EVC2: variants seen among roughly 807,000 people sequenced by gnomAD.
The protein encoded by EVC2 is limbin.
EVC2 carries 148 observed loss-of-function variants against 149.3 expected under a neutral mutation model. The ratio of observed to expected loss-of-function variants is 0.99; its 90% CI spans 0.87 to 1.14. EVC2 has a LOEUF of 1.14. Among genes scored for constraint, EVC2 ranks in the 50% most tolerant of loss-of-function variants. The pLI is 0.00. For missense variants in EVC2, 1,854 were observed against 1,627.3 expected, an observed-to-expected ratio of 1.14 and a Z score of -2.40; for synonymous variants, 776 against 649.9, an observed-to-expected ratio of 1.19 and a Z score of -2.95.
At chr4:5,607,675 A>C (rs908465519) in intron 16 of EVC2, among the ~76,000 whole-genome samples, 2 of 152,156 alleles carry the variant, frequency 1.3e-5, no homozygotes, top group African/African-American at 4.8e-5. Context: ...AGTCTTTCTG[A>C]ATTAGTTGCA....
At chr4:5,578,234 C>T (rs1386193963) in intron 17 of EVC2, among the ~76,000 whole-genome samples, 1 of 108,356 alleles carries the variant, frequency 9.2e-6, no homozygotes, top group South Asian at 3.2e-4. Flanking sequence ...ACATGTTCTC[C>T]TTTCTCCCAG....
downstream of EVC2, among the ~76,000 whole-genome samples, chr4:5,560,452 AAGG>A (rs573876533): frequency 1.8e-3 from 275 of 152,236 alleles, no homozygotes; most frequent in African/African-American, 6.3e-3. The surrounding 1 kb of genome is among the most constrained non-coding windows in gnomAD (Gnocchi z 4.1). Flanking sequence ...GGGCAGTGGG[AAGG>A]AGAAGGACTG....
At chr4:5,691,399 G>T in intron 3 of EVC2, 66 bp from the exon 4 acceptor site, 1 of 1,339,106 alleles carries the variant, frequency 7.5e-7, no homozygotes, top group Non-Finnish European at 1.1e-6. Context: ...TTTAATAAAA[G>T]TACAAGATAA....
downstream of EVC2, among the ~76,000 whole-genome samples, chr4:5,560,795 G>A (rs946323667): frequency 1.3e-5 from 2 of 152,060 alleles, no homozygotes; most frequent in Non-Finnish European, 1.5e-5. The surrounding 1 kb of genome is among the most constrained non-coding windows in gnomAD (Gnocchi z 4.1). Flanking sequence ...ACGACATTAG[G>A]ATCTTTGTTT....
intron 16 of EVC2, among the ~76,000 whole-genome samples, chr4:5,594,088 C>T (rs1713127967): frequency 6.6e-6 from 1 of 152,164 alleles, no homozygotes; most frequent in African/African-American, 2.4e-5. Context: ...TGGGTGGAGC[C>T]CACCACAGCT....
chr4:5,574,853 A>T, intron 18 of EVC2, 81 bp from the exon 19 acceptor site: 1 of 1,371,934 alleles, frequency 7.3e-7, no homozygotes, highest in Non-Finnish European at 1.0e-6. Flanking sequence ...TTAAATAACA[A>T]AGAAGCACAC....
At chr4:5,601,567 A>C (rs1243035430) in intron 16 of EVC2, among the ~76,000 whole-genome samples, 1 of 152,008 alleles carries the variant, frequency 6.6e-6, no homozygotes, top group African/African-American at 2.4e-5. Flanking sequence ...GAATCCCGAG[A>C]GTTCTAGAAA....
At chr4:5,698,778 A>G (rs1401944424) in intron 1 of EVC2, among the ~76,000 whole-genome samples, 1 of 152,224 alleles carries the variant, frequency 6.6e-6, no homozygotes, top group Non-Finnish European at 1.5e-5. Context: ...AGCCTGGCCT[A>G]GCACATGTGC....
chr4:5,598,678 A>C (rs1398984610), intron 16 of EVC2, among the ~76,000 whole-genome samples: 1 of 152,178 alleles, frequency 6.6e-6, no homozygotes, highest in East Asian at 1.9e-4. Context: ...TCATGTCTAA[A>C]ACACCAAAAG....
chr4:5,562,693 C>G lies in EVC2; in HGVS notation c.*155G>C. 1 of 1,507,406 alleles carries G rather than the reference C, an allele frequency of 6.6e-7. No individual in the cohort carries two copies. The highest frequency in any genetic ancestry group is 8.8e-7 in the Non-Finnish European group (1 of 1,136,066). 93.4% of individuals were successfully genotyped at this position (1,507,406 alleles called of 1,614,324 possible). On this transcript the variant is annotated 3_prime_UTR_variant, in exon 22 of 22. Coordinates refer to ENST00000344408, the MANE Select transcript of EVC2 (RefSeq NM_147127.5). The surrounding 1 kb of genome is among the most constrained non-coding windows in gnomAD (Gnocchi z 4.3). Reference sequence around the variant, plus strand: ...GGAAATTCATGAGACAAGATTAAACCGAGTCCCTGCAAGTTGGCATGCGCT... The same window carrying G: ...GGAAATTCATGAGACAAGATTAAACGGAGTCCCTGCAAGTTGGCATGCGCT...
intron 16 of EVC2, among the ~76,000 whole-genome samples, chr4:5,608,086 G>A (rs144518484): frequency 6.6e-6 from 1 of 152,232 alleles, no homozygotes; most frequent in Non-Finnish European, 1.5e-5. Context: ...ATGCTGGTGT[G>A]GCTGCGGACA....
At chr4:5,665,744 GGACCAGGGGACTCGCTTGCATTT>G in intron 7 of EVC2, 95 bp from the exon 8 acceptor site, 2 of 1,545,360 alleles carry the variant, frequency 1.3e-6, no homozygotes, top group Non-Finnish European at 1.8e-6. Context: ...GACCAAGCAG[GGACCAGGGGACTCGCTTGCATTT>G]GAGTCTCGCT....
At chr4:5,531,126 C>T in the EVC2 span, among the ~76,000 whole-genome samples, 1 of 152,148 alleles carries the variant, frequency 6.6e-6, no homozygotes, top group Non-Finnish European at 1.5e-5. Flanking sequence ...TGCCCAAGGC[C>T]AGGAGCCATT....
chr4:5,558,303 T>C (rs1263177904), downstream of EVC2, among the ~76,000 whole-genome samples: 2 of 152,144 alleles, frequency 1.3e-5, no homozygotes, highest in Admixed American at 1.3e-4. Flanking sequence ...TATAAGGACA[T>C]TCTAGAAAAG....
intron 10 of EVC2, among the ~76,000 whole-genome samples, chr4:5,634,224 C>T (rs927148496): frequency 6.6e-6 from 1 of 152,156 alleles, no homozygotes; most frequent in Non-Finnish European, 1.5e-5. Context: ...GGATTAGATT[C>T]GACATAATGA....
Position 5,708,323 on chromosome 4 carries a change from G to C in EVC2, c.191C>G (p.Pro64Arg), listed in dbSNP as rs1292564840. Residue 64 changes from proline to arginine, a missense_variant, in exon 1 of 22, where the codon CCG becomes CGG. By Grantham distance (103) the Pro-to-Arg change is moderately radical. Coordinates refer to ENST00000344408, the MANE Select transcript of EVC2 (RefSeq NM_147127.5). ...CTCGGGCCCCGCCCCGCTCCGCCCC[G>C]GAGGGATCCTCAGGCCGGGCCCAGA... is the stretch of plus-strand genomic sequence containing the variant. ...PRSGPGLRIP[P>R]GRSGAGPESS... The C allele has an allele frequency of 6.8e-7, 1 of 1,467,714 alleles. No individual in the cohort carries two copies. The highest frequency in any genetic ancestry group is 2.8e-5 in the East Asian group (1 of 35,408). 90.9% of individuals were successfully genotyped at this position (1,467,714 alleles called of 1,614,324 possible).
intron 7 of EVC2, among the ~76,000 whole-genome samples, chr4:5,671,339 T>C (rs1387124829): frequency 6.6e-6 from 1 of 152,116 alleles, no homozygotes. Context: ...CTGTTAACAC[T>C]TTCATTCCCA....
At chr4:5,616,594 C>A (rs941902141) in intron 15 of EVC2, among the ~76,000 whole-genome samples, 2 of 152,222 alleles carry the variant, frequency 1.3e-5, no homozygotes, top group African/African-American at 4.8e-5. Flanking sequence ...ACCCTCATTA[C>A]ACCCATTTTA....
chr4:5,665,006 G>A (rs1719166792), intron 8 of EVC2, among the ~76,000 whole-genome samples: 1 of 149,996 alleles, frequency 6.7e-6, no homozygotes, highest in Admixed American at 6.6e-5. Context: ...GTGACGGGAT[G>A]CGTGTGGGTG....
Sources: gnomAD v4.1 joint callset for allele counts (sites outside exome capture counted in the v4.1 genomes callset) on GRCh38, gnomAD v4.1.1 for gene constraint, Gnocchi (gnomAD v3.1) non-coding constraint, MANE v1.5 for transcripts, NCBI Gene and HGNC (gene_info 2026-07-23, HGNC 2026-07-21) for gene names.